The following KIAA1328 variants were observed in gnomAD, a reference collection of about 807,000 sequenced individuals.
KIAA1328 encodes the protein KIAA1328, also known as protein hinderin.
Under a neutral mutation model 68.1 loss-of-function variants are expected in KIAA1328, and 52 were observed. That is an observed-to-expected ratio of 0.76 (90% CI 0.61 to 0.96). The LOEUF (loss-of-function observed/expected upper bound fraction) is 0.96, where lower values mean the gene tolerates loss of function less well. Ranked by LOEUF, KIAA1328 falls within the 40% of genes least tolerant of loss-of-function variation. The pLI is 0.00. For synonymous variants in KIAA1328, 232 were observed against 239.4 expected, an observed-to-expected ratio of 0.97 and a Z score of 0.28; for missense variants, 641 against 677.6, an observed-to-expected ratio of 0.95 and a Z score of 0.60.
chr18:37,229,088 A>G (rs1248431581), downstream of KIAA1328, among the ~76,000 whole-genome samples: 1 of 152,172 alleles, frequency 6.6e-6, no homozygotes, highest in Non-Finnish European at 1.5e-5. Flanking sequence ...TCTCTGAGGT[A>G]TGCCTGTATG....
intron 6 of KIAA1328, among the ~76,000 whole-genome samples, chr18:37,036,986 T>G (rs2055051840): frequency 6.6e-6 from 1 of 152,204 alleles, no homozygotes; most frequent in South Asian, 2.1e-4. Flanking sequence ...TAAAATTTTC[T>G]TGTAGTAATT....
In KIAA1328 at chr18:37,224,468, C is replaced by G. The variant is rs2060613963; in HGVS notation, c.*2241C>G. 1.0e-6 allele frequency: 1 copy of G among 985,268 alleles called. No homozygotes were observed. The highest frequency in any genetic ancestry group is 1.2e-6 in the Non-Finnish European group (1 of 829,956). The allele number at this position is 985,268 out of a possible 1,614,324, so 61.0% of individuals were successfully genotyped here. ...ACATGCAAAACTCATCACCAGTTGC[C>G]TTTTTCTAACTTAATGGACATTTTG... On this transcript the variant is annotated 3_prime_UTR_variant, in exon 10 of 10. Coordinates refer to ENST00000280020, the MANE Select transcript of KIAA1328 (RefSeq NM_020776.3).
chr18:36,912,839 A>G (rs1337267443), intron 5 of KIAA1328, among the ~76,000 whole-genome samples: 1 of 152,208 alleles, frequency 6.6e-6, no homozygotes, highest in Admixed American at 6.5e-5. Flanking sequence ...TATCTGTGAA[A>G]TTCTGAAATT....
chr18:37,222,786 T>C lies in KIAA1328; in HGVS notation c.*559T>C. On this transcript the variant is annotated 3_prime_UTR_variant, in exon 10 of 10. Coordinates refer to ENST00000280020, the MANE Select transcript of KIAA1328 (RefSeq NM_020776.3). ...AAACAACACGAGAGCCAATTGTGAG[T>C]CAGTCTCAGTAGCCATCAGCCTGGC... 1.0e-6 allele frequency: 1 copy of C among 993,900 alleles called. No individual in the cohort carries two copies. The highest frequency in any genetic ancestry group is 1.2e-6 in the Non-Finnish European group (1 of 835,538). The allele number at this position is 993,900 out of a possible 1,614,324, so 61.6% of individuals were successfully genotyped here.
chr18:36,900,863 TC>T (rs1480957277), intron 5 of KIAA1328, among the ~76,000 whole-genome samples: 1 of 151,926 alleles, frequency 6.6e-6, no homozygotes, highest in East Asian at 1.9e-4. Flanking sequence ...TGCTTTTCCA[TC>T]CCCTAAATGG....
chr18:36,972,055 T>C (rs1278156293), intron 6 of KIAA1328, among the ~76,000 whole-genome samples: 1 of 152,206 alleles, frequency 6.6e-6, no homozygotes, highest in East Asian at 1.9e-4. Flanking sequence ...AGTACAGTAC[T>C]GCCATAAGAA....
intron 5 of KIAA1328, among the ~76,000 whole-genome samples, chr18:36,890,199 G>A (rs1185052549): frequency 6.6e-6 from 1 of 150,944 alleles, no homozygotes; most frequent in Non-Finnish European, 1.5e-5. Flanking sequence ...GAATTTTAAA[G>A]GAACTAGCTT....
intron 6 of KIAA1328, among the ~76,000 whole-genome samples, chr18:37,050,411 C>T (rs2055647531): frequency 1.3e-5 from 2 of 152,236 alleles, no homozygotes; most frequent in Non-Finnish European, 2.9e-5. Context: ...TTGCCTGTCT[C>T]ATTTTCTCTT....
chr18:36,998,258 G>A (rs563988100), intron 6 of KIAA1328, among the ~76,000 whole-genome samples: 7 of 152,224 alleles, frequency 4.6e-5, no homozygotes, highest in Admixed American at 6.5e-5. Context: ...AACTTCCAGC[G>A]GTTACCACCT....
intron 6 of KIAA1328, among the ~76,000 whole-genome samples, chr18:36,994,479 G>A (rs577038908): frequency 6.6e-6 from 1 of 152,134 alleles, no homozygotes; most frequent in East Asian, 1.9e-4. Flanking sequence ...TCCCTCCCTC[G>A]GTGATCCTGA....
At chr18:36,991,849 A>G (rs1389766195) in intron 6 of KIAA1328, among the ~76,000 whole-genome samples, 1 of 152,198 alleles carries the variant, frequency 6.6e-6, no homozygotes, top group Non-Finnish European at 1.5e-5. Context: ...GGAAGCTGCC[A>G]GGTCTTTTTA....
intron 7 of KIAA1328, among the ~76,000 whole-genome samples, chr18:37,068,102 G>T (rs183189114): frequency 1.3e-5 from 2 of 152,076 alleles, no homozygotes; most frequent in Non-Finnish European, 2.9e-5. Flanking sequence ...ATTTTTGCTG[G>T]GTTCCAAAGA....
chr18:37,058,071 G>A (rs2055992824), intron 6 of KIAA1328, among the ~76,000 whole-genome samples: 1 of 152,288 alleles, frequency 6.6e-6, no homozygotes, highest in African/African-American at 2.4e-5. Context: ...ACAGAGAAGG[G>A]CTGTCTGCAA....
At chr18:37,092,398 T>A (rs1258577754) in intron 7 of KIAA1328, among the ~76,000 whole-genome samples, 1 of 151,968 alleles carries the variant, frequency 6.6e-6, no homozygotes, top group East Asian at 2.0e-4. Flanking sequence ...TTGAAGCCAG[T>A]GCCCACATGT....
chr18:37,059,273 A>G (rs2056052624), intron 6 of KIAA1328, among the ~76,000 whole-genome samples: 1 of 152,194 alleles, frequency 6.6e-6, no homozygotes, highest in South Asian at 2.1e-4. Context: ...GAATGGGAGA[A>G]AATTTTTGCA....
At chr18:36,898,223 G>A (rs1598640971) in intron 5 of KIAA1328, among the ~76,000 whole-genome samples, 1 of 151,956 alleles carries the variant, frequency 6.6e-6, no homozygotes, top group East Asian at 1.9e-4. Context: ...GATTTTTGTT[G>A]TTTTGCCTTT....
intron 5 of KIAA1328, among the ~76,000 whole-genome samples, chr18:36,912,725 T>A (rs775707775): frequency 3.3e-5 from 5 of 152,188 alleles, no homozygotes; most frequent in Admixed American, 6.5e-5. Flanking sequence ...AAATCTCTTT[T>A]AAATCTTATC....
chr18:36,908,798 A>G (rs1313672092), intron 5 of KIAA1328, among the ~76,000 whole-genome samples: 2 of 152,170 alleles, frequency 1.3e-5, no homozygotes, highest in Admixed American at 6.6e-5. Context: ...ACAAACATAA[A>G]ATTGTGAATT....
chr18:37,095,211 C>A lies in KIAA1328; in HGVS notation c.1232+27666C>A, dbSNP rs150708898. Among the ~76,000 whole-genome samples, 30 of 152,278 alleles carry A rather than the reference C, an allele frequency of 2.0e-4. No individual in the cohort carries two copies. In the South Asian group the frequency reaches 2.1e-3, roughly 11 times the overall value. On this transcript the variant is annotated intron_variant, in intron 7 of 9. Coordinates refer to ENST00000280020, the MANE Select transcript of KIAA1328 (RefSeq NM_020776.3). Reference sequence around the variant, plus strand: ...AAATCAAGGAAACATCTGATTCAATCTGCACTATAAACCATATGGACATAA... The same window carrying A: ...AAATCAAGGAAACATCTGATTCAATATGCACTATAAACCATATGGACATAA...
Sources: allele counts gnomAD v4.1 joint callset (sites outside exome capture counted in the v4.1 genomes callset), GRCh38; gene constraint gnomAD v4.1.1; transcripts MANE v1.5; gene names NCBI Gene and HGNC (gene_info 2026-07-23, HGNC 2026-07-21).